FBRSL1: variants seen among roughly 807,000 people sequenced by gnomAD.
FBRSL1 encodes fibrosin like 1, also known as fibrosin-1-like protein.
Under a neutral mutation model 89.6 loss-of-function variants are expected in FBRSL1, and 51 were observed. The observed-to-expected ratio is 0.57, with a 90% confidence interval of 0.45 to 0.72. The LOEUF is 0.72. Ranked by LOEUF, FBRSL1 falls within the 30% of genes least tolerant of loss-of-function variation. The pLI, the probability that FBRSL1 is intolerant of heterozygous loss-of-function variation, is 0.00. For synonymous variants in FBRSL1, 779 were observed against 681.1 expected, an observed-to-expected ratio of 1.14 and a Z score of -2.24; for missense variants, 1,618 against 1,451.8, an observed-to-expected ratio of 1.11 and a Z score of -1.86.
At position 132,576,791 on chromosome 12, in the gene FBRSL1, C is replaced by T. The variant is rs1240109545; in HGVS notation, c.1702-8C>T. 3.9e-6 allele frequency: 6 copies of T among 1,550,116 alleles called. No individual in the cohort carries two copies. Among genetic ancestry groups the T allele is most frequent in the Non-Finnish European group, 5.2e-6 (6 of 1,146,492 alleles). On this transcript the variant is annotated splice_polypyrimidine_tract_variant and splice_region_variant and intron_variant, in intron 14 of 18. Transcript: ENST00000680143. The stretch of plus-strand genomic sequence containing the variant: ...GGCAGGCGGCCCTCACCCGTTCTAT[C>T]CTCCCAGGAGATGCAGCTGGACCCC...
chr12:132,582,148 C>T lies in FBRSL1; in HGVS notation c.2083C>T (p.Arg695Trp), dbSNP rs773083503. 120 of 1,549,904 alleles carry T rather than the reference C, an allele frequency of 7.7e-5. No individual in the cohort carries two copies. The highest frequency in any genetic ancestry group is 9.5e-5 in the Non-Finnish European group (109 of 1,146,812). Residue 695 changes from arginine (R) to tryptophan (W), a missense_variant, in exon 18 of 19, where the codon CGG (arginine) becomes TGG (tryptophan). Coordinates refer to ENST00000680143, the MANE Select transcript of FBRSL1 (RefSeq NM_001367871.1). ...SPHEAWNRLH[R>W]APPSFPAPPP... ...CCATGAGGCCTGGAACCGACTGCAC[C>T]GGGCACCGCCCTCCTTCCCGGCTCC...
chr12:132,515,627 C>T (rs771359175), intron 2 of FBRSL1, among the ~76,000 whole-genome samples: 12 of 151,872 alleles, frequency 7.9e-5, no homozygotes, highest in Non-Finnish European at 1.2e-4. Flanking sequence ...AGGCCAGGTG[C>T]GGTGGCTCAC....
intron 2 of FBRSL1, among the ~76,000 whole-genome samples, chr12:132,517,365 C>G (rs2034937462): frequency 6.6e-6 from 1 of 152,230 alleles, no homozygotes; most frequent in Non-Finnish European, 1.5e-5. Context: ...CAGCCTGGGG[C>G]TAGCCGTTCC....
intron 9 of FBRSL1, chr12:132,571,664 C>T (rs1406299162): frequency 1.8e-5 from 10 of 543,394 alleles, no homozygotes; most frequent in Admixed American, 4.6e-5. Flanking sequence ...GTCGTCTGTC[C>T]GGTCCCCAAC....
rs1450050944 is a variant in FBRSL1, at chr12:132,583,159, CCG to C, written c.2398_2399del (p.Ala800IlefsTer225). On this transcript the variant is annotated frameshift_variant, in exon 19 of 19. Coordinates refer to ENST00000680143, the MANE Select transcript of FBRSL1 (RefSeq NM_001367871.1). LOFTEE classifies it high-confidence loss of function. ...GCCAAGGAGGAGGCCGCCAAGATGCCCGCGCGCGCATCCCCGCCCCACAGCAA... is the reference window on the plus strand; with the variant it reads ...GCCAAGGAGGAGGCCGCCAAGATGCCCGCGCGCATCCCCGCCCCACAGCAA... 6.8e-7 allele frequency: 1 copy of C among 1,462,642 alleles called. No homozygotes were observed. The highest frequency in any genetic ancestry group is 9.0e-7 in the Non-Finnish European group (1 of 1,111,388). 90.6% of individuals were successfully genotyped at this position (1,462,642 alleles called of 1,614,324 possible).
At chr12:132,504,280 T>C (rs1313767594) in intron 1 of FBRSL1, among the ~76,000 whole-genome samples, 1 of 152,182 alleles carries the variant, frequency 6.6e-6, no homozygotes, top group African/African-American at 2.4e-5. Flanking sequence ...GGTAGAATTA[T>C]TTTATCTCTC....
intron 14 of FBRSL1, among the ~76,000 whole-genome samples, chr12:132,576,288 C>T (rs2040378602): frequency 6.6e-6 from 1 of 151,732 alleles, no homozygotes; most frequent in South Asian, 2.1e-4. Flanking sequence ...CACCTCCCGG[C>T]TTCAAGTGAT....
At chr12:132,515,183 T>C (rs2034725357) in intron 2 of FBRSL1, among the ~76,000 whole-genome samples, 1 of 152,292 alleles carries the variant, frequency 6.6e-6, no homozygotes, top group Admixed American at 6.5e-5. Flanking sequence ...CAGAGTGTCC[T>C]GCCGAGACCC....
At chr12:132,559,744 G>A (rs1413953928) in intron 5 of FBRSL1, among the ~76,000 whole-genome samples, 2 of 152,308 alleles carry the variant, frequency 1.3e-5, no homozygotes, top group East Asian at 3.9e-4. Context: ...CGGGGTGGCA[G>A]GTGTCCGTAA....
chr12:132,493,060 C>A (rs1159313399), intron 1 of FBRSL1, among the ~76,000 whole-genome samples: 1 of 152,244 alleles, frequency 6.6e-6, no homozygotes, highest in Non-Finnish European at 1.5e-5. Flanking sequence ...GGGCTGGATG[C>A]CCCCATTCCA....
Position 132,508,933 on chromosome 12 carries a change from G to T in FBRSL1, c.489+583G>T, listed in dbSNP as rs1391196472. 3.9e-5 allele frequency among the ~76,000 whole-genome samples: 6 copies of T among 152,296 alleles called. 1 individual carries two copies. Among genetic ancestry groups the T allele is most frequent in the African/African-American group, 1.4e-4 (6 of 41,574 alleles). On this transcript the variant is annotated intron_variant, in intron 2 of 18. Coordinates refer to ENST00000680143, the MANE Select transcript of FBRSL1 (RefSeq NM_001367871.1). ...GAGCAGGTGGGGGCTTCCCCAGCGCGTGGGGCTCTGTCCTGGGTGCAGCTC... is the reference window on the plus strand; with the variant it reads ...GAGCAGGTGGGGGCTTCCCCAGCGCTTGGGGCTCTGTCCTGGGTGCAGCTC...
intron 6 of FBRSL1, among the ~76,000 whole-genome samples, chr12:132,568,210 C>T (rs1237898253): frequency 6.6e-6 from 1 of 152,256 alleles, no homozygotes; most frequent in Non-Finnish European, 1.5e-5. Context: ...CGGGCAGCAT[C>T]TCCGGCAGGG....
At chr12:132,520,121 A>T (rs187468946) in intron 2 of FBRSL1, among the ~76,000 whole-genome samples, 82 of 134,078 alleles carry the variant, frequency 6.1e-4, no homozygotes, top group East Asian at 6.1e-3. Context: ...CACCTCCAGC[A>T]CCCCCTCCTT....
chr12:132,568,384 G>A (rs1193064482), intron 6 of FBRSL1, among the ~76,000 whole-genome samples: 3 of 152,280 alleles, frequency 2.0e-5, no homozygotes, highest in African/African-American at 7.2e-5. Flanking sequence ...CCTTCAAGTT[G>A]GAAGCCTGTT....
intron 4 of FBRSL1, among the ~76,000 whole-genome samples, chr12:132,545,185 C>T (rs556856757): frequency 2.6e-4 from 39 of 152,276 alleles, no homozygotes; most frequent in African/African-American, 7.2e-4. Flanking sequence ...CATGTCCCTT[C>T]GGGGCCTGGG....
chr12:132,568,822 G>A (rs577932299), intron 6 of FBRSL1, among the ~76,000 whole-genome samples: 2 of 150,072 alleles, frequency 1.3e-5, no homozygotes, highest in Non-Finnish European at 3.0e-5. Flanking sequence ...CTGGGTGGTG[G>A]CTGCTGTGGA....
intron 4 of FBRSL1, among the ~76,000 whole-genome samples, chr12:132,544,367 T>C (rs2037507245): frequency 6.6e-6 from 1 of 152,138 alleles, no homozygotes; most frequent in African/African-American, 2.4e-5. Context: ...AGAGACTTGA[T>C]ATCGGGGTCT....
At chr12:132,531,717 C>T (rs887171920) in intron 4 of FBRSL1, among the ~76,000 whole-genome samples, 2 of 152,200 alleles carry the variant, frequency 1.3e-5, no homozygotes, top group African/African-American at 2.4e-5. Context: ...GTGTTGTGCA[C>T]GTGTGCACCC....
intron 4 of FBRSL1, among the ~76,000 whole-genome samples, chr12:132,536,554 AGT>A (rs999755869): frequency 3.4e-5 from 5 of 146,234 alleles, no homozygotes; most frequent in Non-Finnish European, 7.5e-5. Flanking sequence ...TGTACATGAC[AGT>A]GTGTGTGCCA....
Sources: allele counts gnomAD v4.1 joint callset (sites outside exome capture counted in the v4.1 genomes callset), GRCh38; gene constraint gnomAD v4.1.1; transcripts MANE v1.5; gene names NCBI Gene and HGNC (gene_info 2026-07-23, HGNC 2026-07-21).